The following KLF8 variants were observed in gnomAD, a reference collection of about 807,000 sequenced individuals.
KLF8 encodes the protein Krueppel-like factor 8.
In KLF8, 10 loss-of-function variants were observed where a neutral mutation model predicts 18.2. The observed-to-expected ratio is 0.55, with a 90% CI of 0.34 to 0.93. KLF8 has a LOEUF of 0.93. Among genes scored for constraint, KLF8 ranks in the 40% least tolerant of loss-of-function variants. The pLI is 0.02. For synonymous variants in KLF8, 109 were observed against 97.3 expected (o/e 1.12, Z -0.71); for missense variants, 264 against 277.9 (o/e 0.95, Z 0.36).
At chrX:56,154,342 A>T in the KLF8 span, among the ~76,000 whole-genome samples, 2 of 112,085 alleles carry the variant, frequency 1.8e-5, no homozygotes, top group Non-Finnish European at 3.8e-5. Context: ...TGACAAAAAC[A>T]AGAAATGGGG....
chrX:55,949,789 CAAA>C, the KLF8 span, among the ~76,000 whole-genome samples: 2 of 93,905 alleles, frequency 2.1e-5, no homozygotes, highest in African/African-American at 7.7e-5. Flanking sequence ...GACTCCGTTT[CAAA>C]AAAAAAAAGA....
the KLF8 span, among the ~76,000 whole-genome samples, chrX:56,111,221 T>C: frequency 8.9e-6 from 1 of 112,507 alleles, no homozygotes; most frequent in Admixed American, 9.4e-5. Context: ...CATTTATGTG[T>C]GATGCATTAT....
chrX:56,158,229 G>A, the KLF8 span, among the ~76,000 whole-genome samples: 4 of 111,477 alleles, frequency 3.6e-5, no homozygotes, highest in African/African-American at 1.3e-4. Context: ...TGAGGACTCT[G>A]TTCTGTTCCA....
intron 3 of KLF8, chrX:56,268,744 C>T: frequency 1.3e-6 from 1 of 787,598 alleles, no homozygotes; most frequent in Non-Finnish European, 1.5e-6. Flanking sequence ...TTCACTGGAT[C>T]TAGGAGACTG....
chrX:56,177,810 C>T, the KLF8 span, among the ~76,000 whole-genome samples: 1 of 111,648 alleles, frequency 9.0e-6, no homozygotes, highest in Admixed American at 9.5e-5. Context: ...GGGGTCACCC[C>T]TCCCCCAGCC....
chrX:56,083,416 T>A, the KLF8 span, among the ~76,000 whole-genome samples: 1 of 112,201 alleles, frequency 8.9e-6, no homozygotes, highest in South Asian at 3.6e-4. Flanking sequence ...TGTGCTAGCA[T>A]TATTTTATAC....
chrX:56,074,415 T>C, the KLF8 span, among the ~76,000 whole-genome samples: 3 of 111,641 alleles, frequency 2.7e-5, no homozygotes, highest in Non-Finnish European at 5.6e-5. Context: ...CTAAGAGTTT[T>C]ATGTTTTAGA....
the KLF8 span, among the ~76,000 whole-genome samples, chrX:56,152,621 G>A: frequency 1.8e-5 from 2 of 111,340 alleles, no homozygotes; most frequent in African/African-American, 6.5e-5. Flanking sequence ...AAGCTGTGTG[G>A]AAATAAGTGG....
At chrX:56,176,546 C>T in the KLF8 span, among the ~76,000 whole-genome samples, 1 of 111,446 alleles carries the variant, frequency 9.0e-6, no homozygotes, top group Non-Finnish European at 1.9e-5. Context: ...TTTTTTCCTT[C>T]ATTTCAACTT....
At chrX:56,250,093 G>A (rs1484015677) in intron 1 of KLF8, 138 bp from the exon 2 acceptor site, 2 of 445,834 alleles carry the variant, frequency 4.5e-6, no homozygotes, top group Non-Finnish European at 7.7e-6. Context: ...TAAATCAGAA[G>A]GTTTCAATGA....
the KLF8 span, among the ~76,000 whole-genome samples, chrX:56,153,132 C>A: frequency 2.7e-5 from 3 of 110,783 alleles, no homozygotes; most frequent in Non-Finnish European, 3.8e-5. Context: ...TATAAGTAAG[C>A]CAATAATATA....
chrX:55,949,594 C>T, the KLF8 span, among the ~76,000 whole-genome samples: 3 of 105,873 alleles, frequency 2.8e-5, no homozygotes, highest in South Asian at 4.5e-4. Flanking sequence ...AAATCACGAA[C>T]ATCCTGGCCA....
chrX:55,974,139 A>G, the KLF8 span, among the ~76,000 whole-genome samples: 1 of 111,319 alleles, frequency 9.0e-6, no homozygotes, highest in Non-Finnish European at 1.9e-5. Context: ...GGAATTGAGT[A>G]CACATGGATA....
the KLF8 span, among the ~76,000 whole-genome samples, chrX:56,011,090 G>A: frequency 1.8e-5 from 2 of 112,069 alleles, no homozygotes; most frequent in East Asian, 2.8e-4. Flanking sequence ...ATGATATTCA[G>A]GACTTGAACT....
chrX:56,027,353 C>A, the KLF8 span, among the ~76,000 whole-genome samples: 1 of 111,745 alleles, frequency 8.9e-6, no homozygotes, highest in Non-Finnish European at 1.9e-5. Flanking sequence ...CCCTGCAATG[C>A]GTGACTGCCA....
chrX:56,065,848 T>C, the KLF8 span, among the ~76,000 whole-genome samples: 1 of 112,225 alleles, frequency 8.9e-6, no homozygotes, highest in Non-Finnish European at 1.9e-5. Context: ...TGGTTTATAG[T>C]GCAGTTGCTA....
the KLF8 span, among the ~76,000 whole-genome samples, chrX:56,208,459 T>A: frequency 8.9e-6 from 1 of 112,210 alleles, no homozygotes; most frequent in Non-Finnish European, 1.9e-5. Flanking sequence ...TATGCTTTAA[T>A]TTTAATTTGA....
chrX:56,086,947 G>A, the KLF8 span, among the ~76,000 whole-genome samples: 1 of 111,551 alleles, frequency 9.0e-6, no homozygotes, highest in Non-Finnish European at 1.9e-5. Flanking sequence ...AAGGAATCCA[G>A]CCACTGGGAG....
the KLF8 span, among the ~76,000 whole-genome samples, chrX:56,016,874 T>C: frequency 1.8e-5 from 2 of 112,280 alleles, no homozygotes; most frequent in African/African-American, 6.5e-5. Context: ...CTTATAAGTT[T>C]ATTTTTTATA....
Sources: allele counts gnomAD v4.1 joint callset (sites outside exome capture counted in the v4.1 genomes callset), GRCh38; gene constraint gnomAD v4.1.1; transcripts MANE v1.5; gene names NCBI Gene and HGNC (gene_info 2026-07-23, HGNC 2026-07-21).